Variants in NCOA7 observed in about 807,000 individuals in gnomAD.
NCOA7 encodes nuclear receptor coactivator 7, also known as 140 kDa estrogen receptor-associated protein.
NCOA7 carries 45 observed loss-of-function variants against 104.3 expected under a neutral mutation model. That is an observed-to-expected ratio of 0.43 (90% CI 0.34 to 0.55). The LOEUF (loss-of-function observed/expected upper bound fraction) is 0.55. NCOA7 is among the 20% of genes least tolerant of loss of function. NCOA7 has a pLI of 0.02. For synonymous variants in NCOA7, 398 were observed against 402.3 expected (o/e 0.99, Z 0.13); for missense variants, 1,041 against 1,119.7 (o/e 0.93, Z 1.00).
intron 1 of NCOA7, among the ~76,000 whole-genome samples, chr6:125,802,875 T>A (rs190454384): frequency 3.1e-3 from 475 of 152,284 alleles, no homozygotes; most frequent in African/African-American, 0.011. Flanking sequence ...CAAGAAGAGA[T>A]CCTTGCACTT....
intron 8 of NCOA7, among the ~76,000 whole-genome samples, chr6:125,885,655 C>T (rs1784197704): frequency 6.6e-6 from 1 of 152,158 alleles, no homozygotes; most frequent in Non-Finnish European, 1.5e-5. Flanking sequence ...AAAGGCAGTT[C>T]TCTGAAAGAA....
chr6:125,794,314 A>G (rs1775110384), intron 1 of NCOA7, among the ~76,000 whole-genome samples: 1 of 152,202 alleles, frequency 6.6e-6, no homozygotes, highest in Non-Finnish European at 1.5e-5. Flanking sequence ...ATCATGCAAA[A>G]TGAGAATCAA....
intron 8 of NCOA7, among the ~76,000 whole-genome samples, chr6:125,886,791 A>G (rs1204434051): frequency 6.6e-6 from 1 of 152,276 alleles, no homozygotes; most frequent in Non-Finnish European, 1.5e-5. Context: ...TAAAACAATA[A>G]GTACAAATTA....
intron 1 of NCOA7, among the ~76,000 whole-genome samples, chr6:125,795,964 A>G (rs1775283990): frequency 6.6e-6 from 1 of 152,164 alleles, no homozygotes; most frequent in Admixed American, 6.5e-5. Flanking sequence ...ATACAAAACT[A>G]ATTGCCAGTT....
rs1399785525 is a variant in NCOA7 at position 125,931,656 on chromosome 6, TTATAAG to T, written c.*2889_*2894del. 4 of 152,328 alleles carry T rather than the reference TTATAAG, an allele frequency of 2.6e-5. No individual in the cohort carries two copies. Among genetic ancestry groups the T allele is most frequent in the African/African-American group, 9.6e-5 (4 of 41,560 alleles). The allele number at this position is 152,328 out of a possible 1,614,324, so 9.4% of individuals were successfully genotyped here. On this transcript the variant is annotated 3_prime_UTR_variant, in exon 16 of 16. Coordinates refer to ENST00000392477, the MANE Select transcript of NCOA7 (RefSeq NM_181782.5). ...AAGCCACCAGAGACATCCTGCACTA[TTATAAG>T]TATGTCTTCCCTTAATTTGATCTCC...
chr6:125,924,133 T>C (rs1174079403), intron 13 of NCOA7, among the ~76,000 whole-genome samples: 1 of 152,214 alleles, frequency 6.6e-6, no homozygotes, highest in African/African-American at 2.4e-5. Flanking sequence ...TGTTCCAGAA[T>C]TGGATGTTAT....
At chr6:125,861,318 T>C (rs1299110616) in intron 3 of NCOA7, among the ~76,000 whole-genome samples, 2 of 152,168 alleles carry the variant, frequency 1.3e-5, no homozygotes, top group Admixed American at 1.3e-4. Flanking sequence ...CATGTGAAGA[T>C]TTCATGTCCA....
At chr6:125,802,943 T>G (rs1044503219) in intron 1 of NCOA7, among the ~76,000 whole-genome samples, 1 of 152,258 alleles carries the variant, frequency 6.6e-6, no homozygotes, top group African/African-American at 2.4e-5. Flanking sequence ...ACACTTTTTC[T>G]TATGTCTTGT....
Position 125,878,259 on chromosome 6 carries a change from C to A in NCOA7, c.352-4C>A. Reference sequence around the variant, plus strand: ...ATTGACTCTTACCTGTTTGATTATTCTAGGCTGGAAACCAGGACACCCTAA... The same window carrying A: ...ATTGACTCTTACCTGTTTGATTATTATAGGCTGGAAACCAGGACACCCTAA... On this transcript the variant is annotated splice_region_variant and splice_polypyrimidine_tract_variant and intron_variant, in intron 4 of 15. Coordinates refer to ENST00000392477, the MANE Select transcript of NCOA7 (RefSeq NM_181782.5). 6.2e-7 allele frequency: 1 copy of A among 1,601,760 alleles called. No homozygotes were observed. Among genetic ancestry groups the A allele is most frequent in the Admixed American group, 1.7e-5 (1 of 58,030 alleles).
intron 1 of NCOA7, among the ~76,000 whole-genome samples, chr6:125,814,336 G>C (rs1404102330): frequency 6.6e-6 from 1 of 151,966 alleles, no homozygotes; most frequent in Admixed American, 6.6e-5. Context: ...TGGTATTTTT[G>C]GTAGAGATGT....
At chr6:125,858,938 C>A (rs1454379376) in intron 3 of NCOA7, among the ~76,000 whole-genome samples, 1 of 152,162 alleles carries the variant, frequency 6.6e-6, no homozygotes, top group Non-Finnish European at 1.5e-5. Flanking sequence ...CAGTTCACTG[C>A]TGCTTTTGGT....
intron 4 of NCOA7, 50 bp from the exon 5 acceptor site, chr6:125,878,212 AG>A: frequency 8.1e-7 from 1 of 1,241,300 alleles, no homozygotes; most frequent in Non-Finnish European, 1.1e-6. Context: ...ATCTATCAAA[AG>A]TAATTTTTTT....
chr6:125,853,943 T>G (rs1415117041), intron 2 of NCOA7, among the ~76,000 whole-genome samples: 12 of 152,136 alleles, frequency 7.9e-5, no homozygotes, highest in Admixed American at 7.2e-4. Flanking sequence ...CACAGAACAA[T>G]GCAGTGAAAT....
In NCOA7 at chr6:125,855,182, A is replaced by G. The variant is rs757180215; in HGVS notation, c.213A>G (p.Arg71=). 6.2e-7 allele frequency: 1 copy of G among 1,613,144 alleles called. No individual in the cohort carries two copies. Among genetic ancestry groups the G allele is most frequent in the South Asian group, 1.1e-5 (1 of 91,082 alleles). ...EEYMTDEKKK[R]KSNQLKEIRR... is the part of the protein sequence containing the mutation. ...ATATGACTGATGAGAAAAAAAAGAG[A>G]AAAAGTAATCAGTTAAAGGAGATCA... Residue 71 remains arginine, a synonymous_variant, in exon 3 of 16, where the codon AGA becomes AGG. Transcript: ENST00000392477.
At chr6:125,856,792 A>G (rs1459425681) in intron 3 of NCOA7, among the ~76,000 whole-genome samples, 1 of 152,174 alleles carries the variant, frequency 6.6e-6, no homozygotes, top group Non-Finnish European at 1.5e-5. Flanking sequence ...AATACGGTAA[A>G]TGAAATGTGG....
Position 125,926,533 on chromosome 6 carries a change from A to G in NCOA7, c.2524-1130A>G, listed in dbSNP as rs1372476010. On this transcript the variant is annotated intron_variant, in intron 13 of 15. Coordinates refer to ENST00000392477, the MANE Select transcript of NCOA7 (RefSeq NM_181782.5). ...TGGTTCTTTTTTTTGGAAGATTACC[A>G]GAAGAAGGGCAAAGGATTTTTTATG... Among the ~76,000 whole-genome samples, 5 of 152,150 alleles carry G rather than the reference A, an allele frequency of 3.3e-5. No individual in the cohort carries two copies. In the South Asian group the frequency reaches 8.3e-4, roughly 25 times the overall value.
intron 3 of NCOA7, among the ~76,000 whole-genome samples, chr6:125,873,107 C>A (rs182670948): frequency 2.0e-5 from 3 of 152,214 alleles, no homozygotes; most frequent in Admixed American, 2.0e-4. Context: ...TCATCTAGGA[C>A]CCCCATGTTT....
chr6:125,785,355 A>C (rs1214779183), intron 1 of NCOA7, among the ~76,000 whole-genome samples: 1 of 152,198 alleles, frequency 6.6e-6, no homozygotes, highest in Non-Finnish European at 1.5e-5. Context: ...AAAACTGGTG[A>C]GATCTGAATA....
intron 2 of NCOA7, among the ~76,000 whole-genome samples, chr6:125,836,331 C>T (rs1046509930): frequency 1.4e-4 from 21 of 152,044 alleles, no homozygotes; most frequent in Admixed American, 1.0e-3. Flanking sequence ...TGTATACATG[C>T]GTTAAAATAT....
Sources: allele counts gnomAD v4.1 joint callset (sites outside exome capture counted in the v4.1 genomes callset), GRCh38; gene constraint gnomAD v4.1.1; transcripts MANE v1.5; gene names NCBI Gene and HGNC (gene_info 2026-07-23, HGNC 2026-07-21).